MTA3: variants seen among roughly 807,000 people sequenced by gnomAD.
The protein encoded by MTA3 is metastasis-associated protein MTA3.
MTA3 carries 34 observed loss-of-function variants against 83.5 expected under a neutral mutation model. That is an observed-to-expected ratio of 0.41 (90% confidence interval 0.31 to 0.54). MTA3 has a LOEUF of 0.54. Among genes scored for constraint, MTA3 ranks in the 20% least tolerant of loss-of-function variants. The pLI, the probability that MTA3 is intolerant of heterozygous loss-of-function variation, is 0.33. For missense variants in MTA3, 761 were observed against 726.4 expected, an observed-to-expected ratio of 1.05 and a Z score of -0.55; for synonymous variants, 303 against 252.7, an observed-to-expected ratio of 1.20 and a Z score of -1.89.
chr2:42,710,490 G>A (rs374054272), intron 14 of MTA3, among the ~76,000 whole-genome samples: 1 of 146,980 alleles, frequency 6.8e-6, no homozygotes, highest in East Asian at 2.0e-4. Flanking sequence ...GGCAGAGGTT[G>A]CAGTGAGCTG....
chr2:42,686,355 T>G (rs1019471657), intron 9 of MTA3, among the ~76,000 whole-genome samples: 3 of 152,186 alleles, frequency 2.0e-5, no homozygotes, highest in African/African-American at 7.2e-5. Flanking sequence ...TTTTTACAGT[T>G]AAAGTTCTGT....
intron 4 of MTA3, among the ~76,000 whole-genome samples, chr2:42,611,864 T>C (rs556706741): frequency 6.6e-6 from 1 of 152,242 alleles, no homozygotes; most frequent in African/African-American, 2.4e-5. Context: ...TAGAGAGATA[T>C]GGAGCTGGCT....
At chr2:42,591,149 T>C (rs1346088273) in intron 3 of MTA3, among the ~76,000 whole-genome samples, 1 of 152,206 alleles carries the variant, frequency 6.6e-6, no homozygotes, top group Non-Finnish European at 1.5e-5. Flanking sequence ...CTATGTGGTA[T>C]AGCCTATTTG....
chr2:42,618,974 A>T (rs1573320418), intron 4 of MTA3, among the ~76,000 whole-genome samples: 1 of 152,166 alleles, frequency 6.6e-6, no homozygotes, highest in Non-Finnish European at 1.5e-5. Context: ...CATCTGACTG[A>T]CAGAGGAGCC....
chr2:42,528,951 C>T lies in MTA3; in HGVS notation c.-141+33697C>T, dbSNP rs796770113. Among the ~76,000 whole-genome samples the T allele has an allele frequency of 1.3e-4, 20 of 152,280 alleles. 1 individual carries two copies. The highest frequency in any genetic ancestry group is 4.6e-4 in the African/African-American group (19 of 41,550). The stretch of plus-strand genomic sequence containing the variant: ...TTGCCTTATTTGAATAGGGTTCAAA[C>T]ATTTGGTTACCTTTGTTTGGCAAAA... On this transcript the variant is annotated intron_variant, in intron 2 of 17. Transcript: ENST00000405592.
chr2:42,729,043 G>C (rs1573782977), intron 16 of MTA3, among the ~76,000 whole-genome samples: 2 of 139,976 alleles, frequency 1.4e-5, no homozygotes, highest in African/African-American at 5.2e-5. Context: ...CAATGTCCTA[G>C]AAAGTTTCTC....
chr2:42,697,215 A>C (rs1416570604), intron 10 of MTA3, among the ~76,000 whole-genome samples: 2 of 152,140 alleles, frequency 1.3e-5, no homozygotes, highest in East Asian at 3.9e-4. Flanking sequence ...TATGGCTCCT[A>C]ATTGGTTCCA....
chr2:42,670,102 A>G lies in MTA3; in HGVS notation c.702+10240A>G, dbSNP rs1367614537. ...TGGTGAAACCCCATCTCTACTAAAT[A>G]CAAAGAATTAGCTGGGCGTGGTGGC... is the stretch of plus-strand genomic sequence containing the variant. On this transcript the variant is annotated intron_variant, in intron 8 of 16. Transcript: ENST00000405094. Among the ~76,000 whole-genome samples the G allele has an allele frequency of 2.0e-5, 3 of 152,220 alleles. No individual in the cohort carries two copies. In the East Asian group the frequency reaches 5.8e-4, roughly 29 times the overall value.
intron 14 of MTA3, among the ~76,000 whole-genome samples, chr2:42,718,661 G>T (rs1357103345): frequency 6.6e-6 from 1 of 151,920 alleles, no homozygotes; most frequent in African/African-American, 2.4e-5. Flanking sequence ...TACTCAGGAG[G>T]CTGAGGCAGG....
At position 42,754,087 on chromosome 2, in the gene MTA3, G is replaced by A. The variant is rs1054847573; in HGVS notation, c.*688G>A. Reference sequence around the variant, plus strand: ...TGTAAACTCATCATCTGTGTTTTGTGGTTGGAGAGAAACTGGTGTTCTGCC... The same window carrying A: ...TGTAAACTCATCATCTGTGTTTTGTAGTTGGAGAGAAACTGGTGTTCTGCC... On this transcript the variant is annotated 3_prime_UTR_variant, in exon 17 of 17. Transcript: ENST00000405094. 16 of 985,342 alleles carry A rather than the reference G, an allele frequency of 1.6e-5. No individual in the cohort carries two copies. In the African/African-American group the frequency reaches 2.8e-4, roughly 17 times the overall value. The allele number at this position is 985,342 out of a possible 1,614,324, so 61.0% of individuals were successfully genotyped here.
At chr2:42,594,915 T>C (rs867351670) in intron 3 of MTA3, among the ~76,000 whole-genome samples, 1 of 100,730 alleles carries the variant, frequency 9.9e-6, no homozygotes, top group South Asian at 3.6e-4. Context: ...TTTATTTATT[T>C]ATTCATTTAT....
chr2:42,696,573 A>G (rs1693407863), intron 10 of MTA3, among the ~76,000 whole-genome samples: 1 of 149,318 alleles, frequency 6.7e-6, no homozygotes, highest in African/African-American at 2.6e-5. Context: ...AGTGGCAAGT[A>G]TTAGATGCTA....
intron 2 of MTA3, among the ~76,000 whole-genome samples, chr2:42,515,337 G>A (rs1243903499): frequency 6.6e-6 from 1 of 151,822 alleles, no homozygotes. Flanking sequence ...GGGAATACAG[G>A]TGTGAGCCAG....
intron 2 of MTA3, among the ~76,000 whole-genome samples, chr2:42,498,652 C>T (rs1674257334): frequency 1.3e-5 from 2 of 152,128 alleles, no homozygotes; most frequent in Admixed American, 6.6e-5. Context: ...CTCTTTATGT[C>T]AACAGGTGAA....
chr2:42,587,622 G>C (rs1019872692), intron 3 of MTA3, among the ~76,000 whole-genome samples: 1 of 151,624 alleles, frequency 6.6e-6, no homozygotes, highest in Non-Finnish European at 1.5e-5. Flanking sequence ...TTTTGAGACA[G>C]TCTGACTCTT....
chr2:42,643,501 A>G (rs1009585334), intron 5 of MTA3, among the ~76,000 whole-genome samples: 1 of 152,188 alleles, frequency 6.6e-6, no homozygotes, highest in Non-Finnish European at 1.5e-5. Context: ...GTTGGTGAGC[A>G]TGTATATAGC....
chr2:42,755,250 C>G lies in MTA3; in HGVS notation c.*1851C>G, dbSNP rs1326810142. The G allele has an allele frequency of 1.0e-6, 1 of 985,376 alleles. No individual in the cohort carries two copies. Among genetic ancestry groups the G allele is most frequent in the Non-Finnish European group, 1.2e-6 (1 of 829,980 alleles). The allele number at this position is 985,376 out of a possible 1,614,324, so 61.0% of individuals were successfully genotyped here. ...CAGAAGGGGAAATGATTCCCTCACC[C>G]TTTCACTTTCTCTCTGAACCCCTAC... On this transcript the variant is annotated 3_prime_UTR_variant, in exon 17 of 17. Transcript: ENST00000405094.
At chr2:42,731,246 G>GAT (rs111712279) in intron 16 of MTA3, among the ~76,000 whole-genome samples, 3,516 of 151,692 alleles carry the variant, frequency 0.023, 126 homozygotes, top group African/African-American at 0.08. Flanking sequence ...TACTATTTTG[G>GAT]ATTTAGTTTG....
intron 6 of MTA3, among the ~76,000 whole-genome samples, chr2:42,644,996 C>A (rs1381706322): frequency 1.3e-5 from 2 of 152,076 alleles, no homozygotes; most frequent in Non-Finnish European, 2.9e-5. Flanking sequence ...ATGTCTCTCA[C>A]TTTAAATCAT....
Sources: allele counts gnomAD v4.1 joint callset (sites outside exome capture counted in the v4.1 genomes callset), GRCh38; gene constraint gnomAD v4.1.1; transcripts MANE v1.5; gene names NCBI Gene and HGNC (gene_info 2026-07-23, HGNC 2026-07-21).